Variants in BICRA observed in about 807,000 individuals in gnomAD.
BICRA encodes BRD4 interacting chromatin remodeling complex associated protein.
Under a neutral mutation model 96.9 loss-of-function variants are expected in BICRA, and 31 were observed. The observed-to-expected ratio is 0.32, with a 90% CI of 0.24 to 0.43. BICRA has a LOEUF of 0.43. BICRA is among the 20% of genes least tolerant of loss of function. BICRA has a pLI of 1.00. For synonymous variants in BICRA, 1,350 were observed against 1,071.8 expected (o/e 1.26, Z -5.07); for missense variants, 2,283 against 2,190.3 (o/e 1.04, Z -0.84).
chr19:47,616,167 C>T (rs1308587767), intron 1 of BICRA, among the ~76,000 whole-genome samples: 1 of 152,218 alleles, frequency 6.6e-6, no homozygotes, highest in Non-Finnish European at 1.5e-5. Context: ...AGGAAACCCA[C>T]CTCAGGCATG....
At chr19:47,686,591 C>T (rs1380664546) in intron 7 of BICRA, among the ~76,000 whole-genome samples, 1 of 152,046 alleles carries the variant, frequency 6.6e-6, no homozygotes, top group African/African-American at 2.4e-5. Context: ...ACCATGTTGC[C>T]GAGGGTGGTC....
intron 1 of BICRA, among the ~76,000 whole-genome samples, chr19:47,621,307 C>G (rs1381468066): frequency 6.6e-6 from 1 of 152,014 alleles, no homozygotes. Flanking sequence ...GCAGTTTGCC[C>G]GCTGTCTCAA....
chr19:47,690,848 T>A (rs992969794), intron 7 of BICRA, among the ~76,000 whole-genome samples: 4 of 152,050 alleles, frequency 2.6e-5, no homozygotes, highest in Non-Finnish European at 4.4e-5. Flanking sequence ...TAAATTTTTT[T>A]AATTTTTTGG....
Position 47,698,846 on chromosome 19 carries a change from T to G in BICRA, c.3397+64T>G. 1 of 1,432,350 alleles carries G rather than the reference T, an allele frequency of 7.0e-7. No individual in the cohort carries two copies. The highest frequency in any genetic ancestry group is 9.6e-7 in the Non-Finnish European group (1 of 1,040,010). The allele number at this position is 1,432,350 out of a possible 1,614,324, so 88.7% of individuals were successfully genotyped here. ...GGACCCCAGCCCGTGGGGCGGGGCGTCGCCAGTGTGGAGCCGCAGGTCCAC... is the reference window on the plus strand; with the variant it reads ...GGACCCCAGCCCGTGGGGCGGGGCGGCGCCAGTGTGGAGCCGCAGGTCCAC... On this transcript the variant is annotated intron_variant, in intron 12 of 14. Transcript: ENST00000594866. The surrounding 1 kb of genome is among the most constrained non-coding windows in gnomAD (Gnocchi z 4.8).
At chr19:47,666,866 C>A (rs1972786705) in intron 1 of BICRA, among the ~76,000 whole-genome samples, 1 of 151,950 alleles carries the variant, frequency 6.6e-6, no homozygotes. Flanking sequence ...GTGAGCTAAC[C>A]ATGCCTCCCT....
intron 1 of BICRA, among the ~76,000 whole-genome samples, chr19:47,669,806 G>A (rs903055455): frequency 4.6e-5 from 7 of 151,864 alleles, no homozygotes; most frequent in Admixed American, 3.3e-4. Flanking sequence ...ACAGGCGCCC[G>A]CCAGCACGCC....
chr19:47,664,018 GT>G (rs927829829), intron 1 of BICRA: 9 of 152,146 alleles, frequency 5.9e-5, no homozygotes, highest in African/African-American at 1.7e-4. Context: ...ACATCTTAGC[GT>G]TGGCAAGTGT....
At chr19:47,651,945 G>A (rs1389986833) in intron 1 of BICRA, among the ~76,000 whole-genome samples, 1 of 152,210 alleles carries the variant, frequency 6.6e-6, no homozygotes, top group Non-Finnish European at 1.5e-5. Flanking sequence ...GACCTGCTCT[G>A]GGACAGGAAC....
In BICRA at chr19:47,675,739, C is replaced by G. The variant is rs1236885167; in HGVS notation, c.85-112C>G. The G allele has an allele frequency of 2.5e-6, 2 of 816,274 alleles. No homozygotes were observed. The highest frequency in any genetic ancestry group is 2.1e-6 in the Non-Finnish European group (1 of 478,792). The allele number at this position is 816,274 out of a possible 1,614,324, so 50.6% of individuals were successfully genotyped here. On this transcript the variant is annotated intron_variant, in intron 4 of 14. Transcript: ENST00000594866. The surrounding 1 kb of genome is among the most constrained non-coding windows in gnomAD (Gnocchi z 4.7). ...GAGTTTCCCATACCCCCAGCCCTCT[C>G]CCATCCCAACCCTTGTCTTTTTGTC... is the stretch of plus-strand genomic sequence containing the variant.
intron 1 of BICRA, among the ~76,000 whole-genome samples, chr19:47,632,723 CG>C (rs1377611645): frequency 1.3e-5 from 2 of 152,106 alleles, no homozygotes; most frequent in African/African-American, 4.8e-5. Flanking sequence ...CTTAAGGATC[CG>C]GGTTGTCATT....
In BICRA at chr19:47,634,987, C is replaced by T. The variant is rs1011220153; in HGVS notation, c.-108+25819C>T. Reference sequence around the variant, plus strand: ...CTGTGTTAGCCAAGATGGTCTCGATCTCCTGACCTCGTTATCCGCCCGCCT... The same window carrying T: ...CTGTGTTAGCCAAGATGGTCTCGATTTCCTGACCTCGTTATCCGCCCGCCT... On this transcript the variant is annotated intron_variant, in intron 1 of 14. Coordinates refer to ENST00000594866, the MANE Select transcript of BICRA (RefSeq NM_001394372.1). Among the ~76,000 whole-genome samples the T allele has an allele frequency of 2.6e-5, 4 of 152,054 alleles. No individual in the cohort carries two copies. In the East Asian group the frequency reaches 7.7e-4, roughly 29 times the overall value.
chr19:47,696,727 C>T (rs763931173), intron 11 of BICRA, among the ~76,000 whole-genome samples: 43 of 152,186 alleles, frequency 2.8e-4, no homozygotes, highest in Non-Finnish European at 5.3e-4. Context: ...GCTGTGGCTC[C>T]GCCAGGCTGG....
At chr19:47,620,820 C>T (rs976396783) in intron 1 of BICRA, among the ~76,000 whole-genome samples, 5 of 152,036 alleles carry the variant, frequency 3.3e-5, no homozygotes, top group East Asian at 3.9e-4. Flanking sequence ...TTTCATCAAG[C>T]GCTGTCTCTG....
rs769430100 is a variant in BICRA, at chr19:47,695,076, C to T, written c.3072C>T (p.Ala1024=). The T allele has an allele frequency of 1.3e-6, 2 of 1,493,630 alleles. No individual in the cohort carries two copies. Among genetic ancestry groups the T allele is most frequent in the Non-Finnish European group, 1.8e-6 (2 of 1,130,758 alleles). 92.5% of individuals were successfully genotyped at this position (1,493,630 alleles called of 1,614,324 possible). The stretch of plus-strand genomic sequence containing the variant: ...CCCCCGCCCCGGCACCCATGGCCGC[C>T]ACAGGTAGGAGAGAGGTCGCCTATG... ...SHAPAPAPMA[A]TGLPPLLPAE... Residue 1024 remains alanine (A), a synonymous_variant, in exon 9 of 15, where the codon GCC becomes GCT. Coordinates refer to ENST00000594866, the MANE Select transcript of BICRA (RefSeq NM_001394372.1).
intron 1 of BICRA, among the ~76,000 whole-genome samples, chr19:47,610,480 G>C (rs1175108391): frequency 2.0e-5 from 3 of 152,148 alleles, no homozygotes; most frequent in African/African-American, 7.2e-5. Context: ...CGGGAGGTGG[G>C]GTCAGAGGCC....
intron 1 of BICRA, among the ~76,000 whole-genome samples, chr19:47,646,009 G>C (rs1208682723): frequency 1.3e-5 from 2 of 152,166 alleles, no homozygotes; most frequent in Admixed American, 1.3e-4. Flanking sequence ...AAAGCAGGAG[G>C]ATCTCTTGAG....
At chr19:47,620,767 A>G (rs911363920) in intron 1 of BICRA, among the ~76,000 whole-genome samples, 1 of 151,734 alleles carries the variant, frequency 6.6e-6, no homozygotes. Context: ...CACACAGACC[A>G]AACTCCTGGG....
chr19:47,618,298 T>C (rs1163925185), intron 1 of BICRA, among the ~76,000 whole-genome samples: 2 of 152,210 alleles, frequency 1.3e-5, no homozygotes, highest in Non-Finnish European at 2.9e-5. Flanking sequence ...GTCCTGTTTC[T>C]GCTCCTTCTA....
intron 1 of BICRA, among the ~76,000 whole-genome samples, chr19:47,623,298 G>C (rs908493193): frequency 3.3e-5 from 5 of 152,104 alleles, no homozygotes; most frequent in Admixed American, 3.3e-4. Flanking sequence ...GCTGTGTTTA[G>C]AGGGTCGCCT....
Sources: gnomAD v4.1 joint callset for allele counts (sites outside exome capture counted in the v4.1 genomes callset) on GRCh38, gnomAD v4.1.1 for gene constraint, Gnocchi (gnomAD v3.1) non-coding constraint, MANE v1.5 for transcripts, NCBI Gene and HGNC (gene_info 2026-07-23, HGNC 2026-07-21) for gene names.